The following WDR1 variants were observed in gnomAD, a reference collection of about 807,000 sequenced individuals.
WDR1 encodes WD repeat-containing protein 1.
WDR1 carries 21 observed loss-of-function variants against 71.9 expected under a neutral mutation model. The observed-to-expected ratio is 0.29, with a 90% CI of 0.21 to 0.42. WDR1 has a LOEUF of 0.42. Ranked by LOEUF, WDR1 falls within the 10% of genes least tolerant of loss-of-function variation. The probability of loss-of-function intolerance (pLI) is 1.00; values close to 1 mark genes in which losing one functional copy is unlikely to be tolerated. For synonymous variants in WDR1, 424 were observed against 347.4 expected (o/e 1.22, Z -2.45); for missense variants, 696 against 824.5 (o/e 0.84, Z 1.91).
Position 10,077,904 on chromosome 4 carries a change from G to C in WDR1, c.1418C>G (p.Ser473Cys), listed in dbSNP as rs1160892102. The change falls in exon 13 of 15, where the codon TCC (serine) becomes TGC (cysteine). Residue 473 changes from serine (S) to cysteine (C), a missense_variant. Coordinates refer to ENST00000499869, the MANE Select transcript of WDR1 (RefSeq NM_017491.5). ...GGVDGNVRLY[S>C]ILGTTLKDEG... ...ATCCTTCAGCGTGGTGCCCAGGATG[G>C]AATACAGGCGGACGTTGCCGTCCTA... 1 of 1,609,064 alleles carries C rather than the reference G, an allele frequency of 6.2e-7. No homozygotes were observed. The highest frequency in any genetic ancestry group is 8.5e-7 in the Non-Finnish European group (1 of 1,177,242).
intron 1 of WDR1, 120 bp downstream of exon 1, chr4:10,116,531 G>T: frequency 1.2e-6 from 1 of 812,120 alleles, no homozygotes; most frequent in Non-Finnish European, 1.5e-6. Flanking sequence ...CCTCCGGCCG[G>T]CGCCCGCACC....
At chr4:10,108,751 G>A (rs559084171) in intron 2 of WDR1, among the ~76,000 whole-genome samples, 11 of 152,166 alleles carry the variant, frequency 7.2e-5, no homozygotes, top group African/African-American at 1.9e-4. Flanking sequence ...ACAACACAAC[G>A]CCTTCTCCTA....
intron 5 of WDR1, among the ~76,000 whole-genome samples, chr4:10,089,452 A>T (rs1164226140): frequency 2.6e-5 from 4 of 152,216 alleles, no homozygotes. Flanking sequence ...CTTCATCAAG[A>T]ACAAGAGCCT....
At chr4:10,086,098 G>A (rs942465524) in intron 8 of WDR1, among the ~76,000 whole-genome samples, 35 of 152,298 alleles carry the variant, frequency 2.3e-4, no homozygotes, top group African/African-American at 8.2e-4. Flanking sequence ...GAACACTGTC[G>A]GGGATGGCTC....
chr4:10,099,210 T>A, intron 3 of WDR1, 71 bp from the exon 4 acceptor site: 1 of 1,338,576 alleles, frequency 7.5e-7, no homozygotes, highest in South Asian at 1.3e-5. Flanking sequence ...GAGCCACAGG[T>A]CACTGCCGGG....
chr4:10,114,841 C>A (rs1206481549), intron 2 of WDR1, among the ~76,000 whole-genome samples: 3 of 152,180 alleles, frequency 2.0e-5, no homozygotes, highest in Admixed American at 2.0e-4. Flanking sequence ...TTTGAGGGGC[C>A]CAGCAATCCA....
At chr4:10,082,229 CT>C (rs1765043516) in intron 10 of WDR1, among the ~76,000 whole-genome samples, 1 of 152,326 alleles carries the variant, frequency 6.6e-6, no homozygotes, top group Non-Finnish European at 1.5e-5. Context: ...CAGGCAGGGC[CT>C]GTGTTACCTA....
rs1057380893 is a variant in WDR1 at position 10,087,863 on chromosome 4, C to G, written c.795G>C (p.Val265=). ...TGGGAAATGTGCTGACCACGGAGTT[C>G]ACGCTGACGTCCCAAATCTTGGAAG... ...DKTSKIWDVS[V]NSVVSTFPMG... is the part of the protein sequence containing the mutation. Residue 265 remains valine (V), a synonymous_variant, in exon 8 of 15, where the codon GTG becomes GTC. Transcript: ENST00000499869. 1.3e-6 allele frequency: 2 copies of G among 1,570,378 alleles called. No homozygotes were observed. The highest frequency in any genetic ancestry group is 1.7e-6 in the Non-Finnish European group (2 of 1,156,822).
At chr4:10,098,377 G>GA (rs1273449375) in intron 4 of WDR1, among the ~76,000 whole-genome samples, 9 of 152,248 alleles carry the variant, frequency 5.9e-5, no homozygotes, top group African/African-American at 2.2e-4. Context: ...ACATGTACGA[G>GA]AAAGTGCCAT....
At chr4:10,090,057 G>A (rs2109661282) in intron 5 of WDR1, among the ~76,000 whole-genome samples, 1 of 152,304 alleles carries the variant, frequency 6.6e-6, no homozygotes, top group East Asian at 1.9e-4. Context: ...GGCAGAGATG[G>A]GAGTTCTGCT....
intron 1 of WDR1, 199 bp from the exon 2 acceptor site, chr4:10,116,433 C>T (rs1050323020): frequency 1.2e-6 from 1 of 863,238 alleles, no homozygotes; most frequent in East Asian, 3.5e-5. Context: ...GGCAGCGGGG[C>T]TCCTCCGGCT....
chr4:10,099,163 AGG>A, intron 3 of WDR1, 24 bp from the exon 4 acceptor site: 1 of 180,490 alleles, frequency 5.5e-6, no homozygotes, highest in Non-Finnish European at 8.4e-6. Flanking sequence ...CGGGCGGGGG[AGG>A]GGGGGAGGCG....
intron 2 of WDR1, among the ~76,000 whole-genome samples, chr4:10,115,226 G>A (rs1713636947): frequency 1.3e-5 from 2 of 152,218 alleles, no homozygotes; most frequent in Admixed American, 1.3e-4. Context: ...CATCACTCAG[G>A]CTGAGGAAGG....
chr4:10,083,555 T>TG (rs1422547196), intron 9 of WDR1: 12 of 473,642 alleles, frequency 2.5e-5, no homozygotes, highest in Non-Finnish European at 3.8e-5. Flanking sequence ...TCTCCCAGCC[T>TG]GGGGGGACCT....
intron 3 of WDR1, among the ~76,000 whole-genome samples, chr4:10,100,247 A>T (rs1390403448): frequency 6.6e-6 from 1 of 152,212 alleles, no homozygotes; most frequent in East Asian, 1.9e-4. Context: ...CCTTGGGAGC[A>T]GGGGCCCTGG....
chr4:10,114,510 G>T (rs568986388), intron 2 of WDR1, among the ~76,000 whole-genome samples: 1 of 152,302 alleles, frequency 6.6e-6, no homozygotes, highest in South Asian at 2.1e-4. Context: ...TTTATGTGAG[G>T]CCCCCTCCCT....
At chr4:10,076,999 G>T (rs762846431) in intron 14 of WDR1, 2 of 370,260 alleles carry the variant, frequency 5.4e-6, no homozygotes, top group Non-Finnish European at 9.9e-6. Context: ...GTCTTAGGGA[G>T]GGGGAGACCC....
intron 2 of WDR1, among the ~76,000 whole-genome samples, 198 bp from the exon 3 acceptor site, chr4:10,104,184 G>T (rs1386208159): frequency 6.6e-6 from 1 of 152,196 alleles, no homozygotes; most frequent in Non-Finnish European, 1.5e-5. Context: ...AGAATTTCAT[G>T]TTACTTTAAT....
At chr4:10,101,003 T>C (rs561959458) in intron 3 of WDR1, among the ~76,000 whole-genome samples, 24 of 152,368 alleles carry the variant, frequency 1.6e-4, no homozygotes, top group Non-Finnish European at 3.2e-4. Context: ...CGTCCCACCC[T>C]GAAAGAGGCG....
Sources: allele counts gnomAD v4.1 joint callset (sites outside exome capture counted in the v4.1 genomes callset), GRCh38; gene constraint gnomAD v4.1.1; transcripts MANE v1.5; gene names NCBI Gene and HGNC (gene_info 2026-07-23, HGNC 2026-07-21).